Variants in SPON1 observed in about 807,000 individuals in gnomAD.
SPON1 encodes the protein spondin 1, also known as spondin-1.
SPON1 carries 52 observed loss-of-function variants against 111.7 expected under a neutral mutation model. The observed-to-expected ratio is 0.47, with a 90% CI of 0.37 to 0.59. SPON1 has a LOEUF of 0.59. Ranked by LOEUF, SPON1 falls within the 20% of genes least tolerant of loss-of-function variation. The pLI, the probability that SPON1 is intolerant of heterozygous loss-of-function variation, is 0.00. For synonymous variants in SPON1, 410 were observed against 395.8 expected (o/e 1.04, Z -0.43); for missense variants, 957 against 1,068.5 (o/e 0.90, Z 1.46).
chr11:14,090,904 G>A (rs1215601797), intron 5 of SPON1, among the ~76,000 whole-genome samples: 2 of 135,702 alleles, frequency 1.5e-5, no homozygotes, highest in Admixed American at 8.5e-5. Context: ...GCTGATTGGT[G>A]CATTTACAAC....
At chr11:14,029,485 G>A (rs1206092774) in intron 2 of SPON1, among the ~76,000 whole-genome samples, 1 of 152,178 alleles carries the variant, frequency 6.6e-6, no homozygotes, top group African/African-American at 2.4e-5. Context: ...ACAGAATGGT[G>A]AGGAAAACAG....
intron 3 of SPON1, among the ~76,000 whole-genome samples, chr11:14,071,129 A>C (rs1285368754): frequency 1.3e-5 from 2 of 152,122 alleles, no homozygotes; most frequent in Admixed American, 6.6e-5. Flanking sequence ...TCATCTTGTA[A>C]AGCTATTATT....
Position 14,135,472 on chromosome 11 carries a change from T to C in SPON1, c.729T>C (p.Tyr243=), listed in dbSNP as rs543334345. The C allele has an allele frequency of 2.5e-6, 4 of 1,613,776 alleles. No homozygotes were observed. The highest frequency in any genetic ancestry group is 1.1e-5 in the South Asian group (1 of 91,048). Residue 243 remains tyrosine, a synonymous_variant, in exon 6 of 16, where the codon TAT becomes TAC. Coordinates refer to ENST00000576479, the MANE Select transcript of SPON1 (RefSeq NM_006108.4). This position sits in a 1 kb window ranked among gnomAD's most constrained non-coding sequence, Gnocchi z 4.4. ...TCGGAGGATCCCACTCCAAGAATTA[T>C]GTACTGTGGGAATATGGAGGATATG... ...AIIGGSHSKN[Y]VLWEYGGYAS...
At chr11:14,246,541 G>A (rs1848992102) in intron 7 of SPON1, among the ~76,000 whole-genome samples, 3 of 152,142 alleles carry the variant, frequency 2.0e-5, no homozygotes, top group South Asian at 4.1e-4. Context: ...ACCTGCCAAT[G>A]AGCCTTCTGA....
At chr11:14,098,540 T>A (rs549170501) in intron 5 of SPON1, among the ~76,000 whole-genome samples, 12 of 152,286 alleles carry the variant, frequency 7.9e-5, no homozygotes, top group African/African-American at 2.9e-4. Context: ...CCTCATAGGA[T>A]GAATATTATG....
chr11:14,204,616 G>C (rs1350865081), intron 6 of SPON1, among the ~76,000 whole-genome samples: 2 of 151,450 alleles, frequency 1.3e-5, no homozygotes, highest in African/African-American at 4.9e-5. Context: ...AAAGAGTCTT[G>C]AGGCTTAAAA....
intron 13 of SPON1, among the ~76,000 whole-genome samples, chr11:14,260,037 C>T (rs1339902338): frequency 6.6e-6 from 1 of 152,168 alleles, no homozygotes; most frequent in East Asian, 1.9e-4. Context: ...GCGGGACATA[C>T]ATTACCCAGG....
intron 3 of SPON1, among the ~76,000 whole-genome samples, chr11:14,065,298 G>A (rs1424222202): frequency 5.3e-5 from 8 of 152,218 alleles, no homozygotes; most frequent in Admixed American, 3.9e-4. Flanking sequence ...CCACAGAAGC[G>A]GGAGGAGGCT....
At chr11:14,254,436 C>A in intron 7 of SPON1, 92 bp from the exon 8 acceptor site, 1 of 1,144,338 alleles carries the variant, frequency 8.7e-7, no homozygotes. Flanking sequence ...ACTCTCTGTC[C>A]CTCTCATTCT....
Position 14,135,570 on chromosome 11 carries a change from T to C in SPON1, c.825+2T>C. 2 of 1,611,990 alleles carry C rather than the reference T, an allele frequency of 1.2e-6. No homozygotes were observed. The highest frequency in any genetic ancestry group is 1.7e-6 in the Non-Finnish European group (2 of 1,178,656). On this transcript the variant is annotated splice_donor_variant, in intron 6 of 15. Coordinates refer to ENST00000576479, the MANE Select transcript of SPON1 (RefSeq NM_006108.4). LOFTEE classifies it high-confidence loss of function. This position sits in a 1 kb window ranked among gnomAD's most constrained non-coding sequence, Gnocchi z 4.4. ...ATGGAGGAAGAAATTCGACAACAGG[T>C]AAGACAAAAAAATCACAGAATGACC...
intron 7 of SPON1, among the ~76,000 whole-genome samples, chr11:14,251,063 A>G (rs1432431107): frequency 6.6e-6 from 1 of 152,232 alleles, no homozygotes; most frequent in Non-Finnish European, 1.5e-5. Context: ...TTCCAAAGCA[A>G]GAGTGAGTTC....
At chr11:14,089,753 C>T (rs1309716533) in intron 5 of SPON1, among the ~76,000 whole-genome samples, 1 of 152,192 alleles carries the variant, frequency 6.6e-6, no homozygotes, top group African/African-American at 2.4e-5. Context: ...GGCCCACAGC[C>T]ACCCCTTCCC....
At chr11:14,045,347 G>A (rs573524529) in intron 3 of SPON1, among the ~76,000 whole-genome samples, 44 of 152,122 alleles carry the variant, frequency 2.9e-4, no homozygotes, top group African/African-American at 9.9e-4. Flanking sequence ...AGCCGAGAGG[G>A]GGGCAGATCG....
At chr11:14,057,524 C>CA (rs1554919295) in intron 3 of SPON1, among the ~76,000 whole-genome samples, 51 of 152,042 alleles carry the variant, frequency 3.4e-4, no homozygotes, top group African/African-American at 1.2e-3. Context: ...TCAATGTTAT[C>CA]TAATCTCATG....
At chr11:14,194,613 G>A (rs1475757399) in intron 6 of SPON1, among the ~76,000 whole-genome samples, 5 of 150,836 alleles carry the variant, frequency 3.3e-5, no homozygotes, top group African/African-American at 1.2e-4. Context: ...ATTTACACTC[G>A]CTCATCTATT....
At chr11:14,129,840 G>A (rs1392123621) in intron 5 of SPON1, among the ~76,000 whole-genome samples, 1 of 152,208 alleles carries the variant, frequency 6.6e-6, no homozygotes, top group African/African-American at 2.4e-5. Context: ...GGCAGAAGGT[G>A]AAGGAGAAGC....
At chr11:14,127,007 C>T (rs1240399953) in intron 5 of SPON1, among the ~76,000 whole-genome samples, 4 of 152,150 alleles carry the variant, frequency 2.6e-5, no homozygotes, top group African/African-American at 9.7e-5. Context: ...CTCCACACCC[C>T]TCCCCAATCA....
intron 2 of SPON1, among the ~76,000 whole-genome samples, chr11:13,983,915 A>C (rs1302455589): frequency 1.3e-5 from 2 of 152,168 alleles, no homozygotes; most frequent in Non-Finnish European, 2.9e-5. Flanking sequence ...TACCTCCCTT[A>C]TCCAAAGGCA....
chr11:13,982,935 C>T lies in SPON1; in HGVS notation c.327C>T (p.Asp109=). ...RENREGDKEE[D]HAGTFQIIDE... ...ACAGAGAGGGTGATAAGGAAGAAGA[C>T]CATGCTGGGACCTTCCAGGTAAGAC... The change falls in exon 2 of 16, where the codon GAC becomes GAT. Residue 109 remains aspartate, a synonymous_variant. Transcript: ENST00000576479. 1 of 1,554,412 alleles carries T rather than the reference C, an allele frequency of 6.4e-7. No individual in the cohort carries two copies. The highest frequency in any genetic ancestry group is 8.7e-7 in the Non-Finnish European group (1 of 1,147,736).
Sources: gnomAD v4.1 joint callset for allele counts (sites outside exome capture counted in the v4.1 genomes callset) on GRCh38, gnomAD v4.1.1 for gene constraint, Gnocchi (gnomAD v3.1) non-coding constraint, MANE v1.5 for transcripts, NCBI Gene and HGNC (gene_info 2026-07-23, HGNC 2026-07-21) for gene names.